The following SYCE1L variants were observed in gnomAD, a reference collection of about 807,000 sequenced individuals.
SYCE1L encodes synaptonemal complex central element protein 1-like.
A neutral mutation model predicts 39.6 loss-of-function variants in SYCE1L; 51 were observed. The observed-to-expected ratio is 1.29, with a 90% CI of 1.03 to 1.63. SYCE1L has a LOEUF of 1.63. Ranked by LOEUF, SYCE1L falls within the 40% of genes most tolerant of loss-of-function variation. SYCE1L has a pLI of 0.00. For missense variants in SYCE1L, 426 were observed against 304.9 expected (o/e 1.40, Z -2.96); for synonymous variants, 147 against 122.4 (o/e 1.20, Z -1.33).
intron 1 of SYCE1L, among the ~76,000 whole-genome samples, chr16:77,204,355 C>A (rs200671017): frequency 6.6e-6 from 1 of 152,138 alleles, no homozygotes; most frequent in Non-Finnish European, 1.5e-5. Context: ...GAAGTAGGGT[C>A]TTTGCAGTTA....
At chr16:77,211,035 C>G (rs2054818683) in intron 6 of SYCE1L, among the ~76,000 whole-genome samples, 178 bp from the exon 7 acceptor site, 1 of 152,192 alleles carries the variant, frequency 6.6e-6, no homozygotes, top group African/African-American at 2.4e-5. Context: ...ACAGGGCTTG[C>G]ATCAGGGAGA....
At chr16:77,200,283 T>TAC (rs2054722808) in intron 1 of SYCE1L, 1 of 105,948 alleles carries the variant, frequency 9.4e-6, no homozygotes, top group Admixed American at 9.4e-5. Context: ...TGTATATATA[T>TAC]ATATATATAC....
intron 1 of SYCE1L, among the ~76,000 whole-genome samples, chr16:77,205,462 A>G (rs2054779838): frequency 6.7e-6 from 1 of 150,100 alleles, no homozygotes; most frequent in Non-Finnish European, 1.5e-5. Flanking sequence ...ATACATACAT[A>G]TTTACATAGA....
At chr16:77,210,164 C>A (rs115261542) in intron 6 of SYCE1L, among the ~76,000 whole-genome samples, 2,026 of 152,276 alleles carry the variant, frequency 0.013, 56 homozygotes, top group African/African-American at 0.046. Context: ...TTCATCCTCC[C>A]GAGTAGCTGA....
intron 1 of SYCE1L, among the ~76,000 whole-genome samples, chr16:77,204,460 T>C (rs1179977126): frequency 6.6e-6 from 1 of 152,150 alleles, no homozygotes; most frequent in African/African-American, 2.4e-5. Context: ...CACATAAAGA[T>C]ATGAGAGTGG....
chr16:77,205,056 A>AAAAAAG (rs1471925292), intron 1 of SYCE1L, among the ~76,000 whole-genome samples: 5 of 140,668 alleles, frequency 3.6e-5, no homozygotes, highest in African/African-American at 5.4e-5. Context: ...AAAAAAAAAA[A>AAAAAAG]AAAAGAAAAG....
At chr16:77,200,291 T>TATATATATATATATATATACACACACAC in intron 1 of SYCE1L, 10 of 111,426 alleles carry the variant, frequency 9.0e-5, no homozygotes, top group African/African-American at 3.4e-4. Flanking sequence ...TATATATATA[T>TATATATATATATATATATACACACACAC]ACACACACTA....
chr16:77,208,067 G>A, intron 2 of SYCE1L, 143 bp from the exon 3 acceptor site: 2 of 777,554 alleles, frequency 2.6e-6, no homozygotes, highest in Non-Finnish European at 4.0e-6. Context: ...GCCCTTCAAG[G>A]GGCTCTGGCA....
At chr16:77,205,324 C>G (rs944933959) in intron 1 of SYCE1L, among the ~76,000 whole-genome samples, 1 of 151,386 alleles carries the variant, frequency 6.6e-6, no homozygotes, top group Non-Finnish European at 1.5e-5. Context: ...TGACTTTTAC[C>G]ACTGATTTCA....
At chr16:77,206,988 A>G (rs1029010435) in intron 2 of SYCE1L, among the ~76,000 whole-genome samples, 1 of 152,126 alleles carries the variant, frequency 6.6e-6, no homozygotes, top group Non-Finnish European at 1.5e-5. Flanking sequence ...GCCCATTCTC[A>G]TCTTAAAATA....
intron 1 of SYCE1L, among the ~76,000 whole-genome samples, chr16:77,203,442 A>G (rs1218003061): frequency 6.9e-6 from 1 of 145,338 alleles, no homozygotes; most frequent in Non-Finnish European, 1.5e-5. Context: ...GATATAAAGA[A>G]GGTGAACATA....
Position 77,199,478 on chromosome 16 carries a change from T to A in SYCE1L, c.27T>A (p.Asn9Lys), listed in dbSNP as rs1435895157. Residue 9 changes from asparagine to lysine, a missense_variant, in exon 1 of 11, where the codon AAT becomes AAA. Physicochemically the swap from Asn to Lys is moderately conservative, Grantham distance 94. Transcript: ENST00000378644. MAGKLKPLNVEAPEATEEA... is the reference protein window; with the variant it reads MAGKLKPLKVEAPEATEEA... ...TGGCGGGGAAGCTGAAACCTCTGAA[T>A]GTGGAGGCGCCAGAAGCTACTGAGG... 6.4e-7 allele frequency: 1 copy of A among 1,551,400 alleles called. No individual in the cohort carries two copies.
At chr16:77,210,724 G>T (rs529757116) in intron 6 of SYCE1L, among the ~76,000 whole-genome samples, 1 of 152,044 alleles carries the variant, frequency 6.6e-6, no homozygotes, top group Non-Finnish European at 1.5e-5. Flanking sequence ...CATTCCATGG[G>T]GGACAGGATG....
At chr16:77,212,767 A>G (rs2054834784) in intron 10 of SYCE1L, 90 bp from the exon 11 acceptor site, 1 of 1,418,602 alleles carries the variant, frequency 7.0e-7, no homozygotes, top group East Asian at 2.7e-5. Flanking sequence ...CCCCGGGGAC[A>G]GAGGAAGCCG....
intron 2 of SYCE1L, among the ~76,000 whole-genome samples, chr16:77,207,519 T>A (rs968046122): frequency 6.6e-6 from 1 of 152,168 alleles, no homozygotes. Context: ...GATTCCCCAT[T>A]TCTCAGATGA....
At chr16:77,210,724 G>A (rs529757116) in intron 6 of SYCE1L, among the ~76,000 whole-genome samples, 1 of 152,162 alleles carries the variant, frequency 6.6e-6, no homozygotes, top group East Asian at 1.9e-4. Flanking sequence ...CATTCCATGG[G>A]GGACAGGATG....
chr16:77,208,059 C>T (rs913256472), intron 2 of SYCE1L, 151 bp from the exon 3 acceptor site: 3 of 715,556 alleles, frequency 4.2e-6, no homozygotes, highest in African/African-American at 3.6e-5. Flanking sequence ...GAATGCAAGC[C>T]CTTCAAGGGG....
At position 77,213,024 on chromosome 16, in the gene SYCE1L, T is replaced by G; in HGVS notation, c.*93T>G. On this transcript the variant is annotated 3_prime_UTR_variant, in exon 11 of 11. Coordinates refer to ENST00000378644, the MANE Select transcript of SYCE1L (RefSeq NM_001129979.3). Reference sequence around the variant, plus strand: ...GACCATGCTCGCGTTCTCCGCGGAGTCTGTGCTACACCGTGGAGCGGGGCG... The same window carrying G: ...GACCATGCTCGCGTTCTCCGCGGAGGCTGTGCTACACCGTGGAGCGGGGCG... 7.6e-7 allele frequency: 1 copy of G among 1,314,260 alleles called. No individual in the cohort carries two copies. Among genetic ancestry groups the G allele is most frequent in the South Asian group, 1.5e-5 (1 of 64,562 alleles). 81.4% of individuals were successfully genotyped at this position (1,314,260 alleles called of 1,614,324 possible).
intron 1 of SYCE1L, among the ~76,000 whole-genome samples, chr16:77,204,986 A>C (rs111733987): frequency 0.1 from 14,932 of 149,282 alleles, 970 homozygotes; most frequent in East Asian, 0.29. Context: ...CAGAGGTTGC[A>C]GTGAGCTGAG....
Sources: gnomAD v4.1 joint callset for allele counts (sites outside exome capture counted in the v4.1 genomes callset) on GRCh38, gnomAD v4.1.1 for gene constraint, MANE v1.5 for transcripts, NCBI Gene and HGNC (gene_info 2026-07-23, HGNC 2026-07-21) for gene names.